PHF10: variants seen among roughly 807,000 people sequenced by gnomAD.
PHF10 encodes the protein BRG1-associated factor 45a.
PHF10 carries 51 observed loss-of-function variants against 68.5 expected under a neutral mutation model. The observed-to-expected ratio is 0.74, with a 90% CI of 0.59 to 0.94. The LOEUF (loss-of-function observed/expected upper bound fraction) is 0.94. Among genes scored for constraint, PHF10 ranks in the 40% least tolerant of loss-of-function variants. The pLI is 0.00. For missense variants in PHF10, 460 were observed against 602.6 expected, an observed-to-expected ratio of 0.76 and a Z score of 2.48; for synonymous variants, 204 against 203.5, an observed-to-expected ratio of 1.00 and a Z score of -0.02.
At chr6:169,708,504 T>C (rs1467543810) in intron 9 of PHF10, 2 of 152,118 alleles carry the variant, frequency 1.3e-5, no homozygotes, top group Non-Finnish European at 2.9e-5. Context: ...AGGTTAACTT[T>C]TAATAAGCAT....
At chr6:169,705,505 T>G (rs1477994700) in intron 10 of PHF10, 111 bp downstream of exon 10, 2 of 755,658 alleles carry the variant, frequency 2.6e-6, no homozygotes, top group Non-Finnish European at 4.7e-6. Context: ...AGCTACCCTG[T>G]GTATTTAATT....
chr6:169,723,901 G>T lies in PHF10; in HGVS notation c.31C>A (p.Leu11Met), dbSNP rs1030363403. 9.3e-7 allele frequency: 1 copy of T among 1,072,536 alleles called. No homozygotes were observed. The highest frequency in any genetic ancestry group is 1.1e-6 in the Non-Finnish European group (1 of 883,512). The allele number at this position is 1,072,536 out of a possible 1,614,324, so 66.4% of individuals were successfully genotyped here. A position where few individuals can be genotyped will look rare whatever the true frequency, so the allele number is the denominator to read the frequency against. The change falls in exon 1 of 12, where the codon CTG becomes ATG. Residue 11 changes from leucine to methionine, a missense_variant. This residue lies in a region of PHF10 where 93 missense variants were observed against 82.4 expected (regional missense o/e 1.13). Transcript: ENST00000339209. The part of the protein sequence containing the change: MAAAAGPGAA[L>M]SPRPCDSDPA... ...TCGCTGTCGCACGGCCGCGGGGACA[G>T]CGCAGCCCCGGGCCCGGCCGCCGCC...
chr6:169,722,175 T>G (rs971330471), intron 1 of PHF10, among the ~76,000 whole-genome samples: 8 of 152,336 alleles, frequency 5.3e-5, no homozygotes, highest in African/African-American at 1.9e-4. Flanking sequence ...AAATGATGAT[T>G]ATGATGATAA....
At chr6:169,705,103 GATA>G (rs781277014) in intron 11 of PHF10, 27 bp downstream of exon 11, 1 of 1,545,554 alleles carries the variant, frequency 6.5e-7, no homozygotes, top group Non-Finnish European at 8.8e-7. Flanking sequence ...ATCACCCAAA[GATA>G]ATGTTTGCTC....
chr6:169,704,951 T>C (rs919723992), intron 11 of PHF10, 182 bp downstream of exon 11: 3 of 431,874 alleles, frequency 6.9e-6, no homozygotes, highest in Non-Finnish European at 1.3e-5. Flanking sequence ...ACTTATCCTT[T>C]AGTTGGAATT....
intron 8 of PHF10, 30 bp from the exon 9 acceptor site, chr6:169,710,421 CT>C (rs1562985802): frequency 6.4e-7 from 1 of 1,565,916 alleles, no homozygotes; most frequent in Non-Finnish European, 8.7e-7. Context: ...AACAAAGATT[CT>C]TTGGAATTAA....
chr6:169,709,332 C>T (rs192494091), intron 9 of PHF10: 7 of 152,262 alleles, frequency 4.6e-5, no homozygotes, highest in Admixed American at 4.6e-4. Flanking sequence ...TAAAATTTTC[C>T]TTCAATACAC....
chr6:169,706,598 C>T (rs566983700), intron 9 of PHF10, among the ~76,000 whole-genome samples: 2 of 152,146 alleles, frequency 1.3e-5, no homozygotes, highest in East Asian at 1.9e-4. Flanking sequence ...GGCATCCGAA[C>T]GTCACGGTCT....
chr6:169,712,273 C>A, intron 8 of PHF10, 113 bp downstream of exon 8: 2 of 937,150 alleles, frequency 2.1e-6, no homozygotes, highest in Non-Finnish European at 3.4e-6. Context: ...TGAATACTTT[C>A]TGGAAATTAC....
Position 169,715,739 on chromosome 6 carries a change from T to C in PHF10, c.662A>G (p.Glu221Gly). The change falls in exon 6 of 12, where the codon GAA becomes GGA. Residue 221 changes from glutamate (E) to glycine (G), a missense_variant. Transcript: ENST00000339209. The stretch of plus-strand genomic sequence containing the variant: ...CTGCAAGTCAAAATAAGCTCTTCTT[T>C]CTTCCATGCGTTCCCGGTTTAAGTT... The part of the protein sequence containing the change: ...NSNLNRERME[E>G]RRAYFDLQTH... 6.2e-7 allele frequency: 1 copy of C among 1,612,514 alleles called. No homozygotes were observed. The highest frequency in any genetic ancestry group is 8.5e-7 in the Non-Finnish European group (1 of 1,179,986).
intron 8 of PHF10, among the ~76,000 whole-genome samples, chr6:169,711,267 T>G (rs560032224): frequency 6.6e-6 from 1 of 152,320 alleles, no homozygotes; most frequent in East Asian, 1.9e-4. Flanking sequence ...TTAAAAGCAT[T>G]ATGTGCATTT....
rs1788703380 is a variant in PHF10 at position 169,704,510 on chromosome 6, C to CT, written c.1412-423dup. 5 of 180,408 alleles carry CT rather than the reference C, an allele frequency of 2.8e-5. No individual in the cohort carries two copies. The South Asian group carries it at 7.9e-4, about 28-fold the overall frequency. 11.2% of individuals were successfully genotyped at this position (180,408 alleles called of 1,614,324 possible). A position where few individuals can be genotyped will look rare whatever the true frequency, so the allele number is the denominator to read the frequency against. On this transcript the variant is annotated intron_variant, in intron 11 of 11. Coordinates refer to ENST00000339209, the MANE Select transcript of PHF10 (RefSeq NM_018288.4). ...GTACTCTGCTGACAGCACTTTAAAA[C>CT]TTTAACAGCACAATGATAACTTGTA... is the stretch of plus-strand genomic sequence containing the variant.
chr6:169,706,761 C>T (rs1788808518), intron 9 of PHF10, among the ~76,000 whole-genome samples: 1 of 149,576 alleles, frequency 6.7e-6, no homozygotes, highest in African/African-American at 2.5e-5. Context: ...CACACACACA[C>T]ACACACACAC....
Position 169,704,028 on chromosome 6 carries a change from C to G in PHF10, c.1472G>C (p.Arg491Thr), listed in dbSNP as rs1788672020. Residue 491 changes from arginine to threonine, a missense_variant, in exon 12 of 12, where the codon AGG becomes ACG. Physicochemically the swap from Arg to Thr is moderately conservative, Grantham distance 71 (BLOSUM62 -1). This residue lies in a region of PHF10 where 111 missense variants were observed against 109.7 expected (regional missense o/e 1.01). Transcript: ENST00000339209. ...APPTPRKVGRRGKNSKEG is the reference protein window; with the variant it reads ...APPTPRKVGRTGKNSKEG ...TTATCCCTCTTTGCTGTTTTTCCCC[C>G]TTCTGCCCACTTTCCTGGGTGTTGG... is the stretch of plus-strand genomic sequence containing the variant. The G allele has an allele frequency of 6.2e-7, 1 of 1,600,152 alleles. No homozygotes were observed. The highest frequency in any genetic ancestry group is 1.8e-5 in the Admixed American group (1 of 56,404).
At chr6:169,712,806 G>C (rs1288079601) in intron 7 of PHF10, among the ~76,000 whole-genome samples, 3 of 152,064 alleles carry the variant, frequency 2.0e-5, no homozygotes, top group Non-Finnish European at 4.4e-5. Context: ...AAAGAAAAAA[G>C]TAAATAAAAT....
intron 1 of PHF10, 110 bp from the exon 2 acceptor site, chr6:169,721,221 T>A: frequency 1.6e-6 from 1 of 609,428 alleles, no homozygotes; most frequent in Non-Finnish European, 2.8e-6. Context: ...AGTATTAACT[T>A]CATATTATAA....
intron 8 of PHF10, among the ~76,000 whole-genome samples, chr6:169,711,505 G>A (rs7740499): frequency 0.11 from 16,010 of 152,076 alleles, 910 homozygotes; most frequent in African/African-American, 0.12. Context: ...ACTTAAATTG[G>A]TAAGACTGTC....
At chr6:169,722,289 G>C (rs1789198889) in intron 1 of PHF10, among the ~76,000 whole-genome samples, 2 of 152,080 alleles carry the variant, frequency 1.3e-5, no homozygotes, top group African/African-American at 4.8e-5. Flanking sequence ...TTTCATTAAA[G>C]AGCTTTGCAT....
intron 2 of PHF10, 113 bp from the exon 3 acceptor site, chr6:169,719,031 T>C: frequency 3.0e-6 from 2 of 673,840 alleles, no homozygotes; most frequent in Non-Finnish European, 5.0e-6. Flanking sequence ...TTGCCTCCTA[T>C]GACTTGACTT....
Sources: gnomAD v4.1 joint callset for allele counts (sites outside exome capture counted in the v4.1 genomes callset) on GRCh38, gnomAD v4.1.1 for gene constraint, gnomAD v4.1.1 regional missense constraint, MANE v1.5 for transcripts, NCBI Gene and HGNC (gene_info 2026-07-23, HGNC 2026-07-21) for gene names.